Variants in SERINC3 observed in about 807,000 individuals in gnomAD.
SERINC3 encodes tumor differentially expressed protein 1.
SERINC3 carries 22 observed loss-of-function variants against 52.1 expected under a neutral mutation model. The observed-to-expected ratio is 0.42, with a 90% CI of 0.30 to 0.60. SERINC3 has a LOEUF of 0.60. SERINC3 is among the 20% of genes least tolerant of loss of function. SERINC3 has a pLI of 0.16. For missense variants in SERINC3, 564 were observed against 584.6 expected (o/e 0.96, Z 0.36); for synonymous variants, 226 against 212.7 (o/e 1.06, Z -0.54).
intron 8 of SERINC3, 119 bp downstream of exon 8, chr20:44,503,696 T>C (rs1226020672): frequency 2.6e-6 from 2 of 782,168 alleles, no homozygotes; most frequent in East Asian, 2.8e-5. Flanking sequence ...AGTAAAGAAC[T>C]TTTCATTAAA....
chr20:44,511,420 T>C, intron 3 of SERINC3, 52 bp from the exon 4 acceptor site: 2 of 1,151,682 alleles, frequency 1.7e-6, no homozygotes, highest in Non-Finnish European at 2.6e-6. Context: ...ACCCTTATAC[T>C]GAGAAAAATT....
chr20:44,518,790 CCCCATCT>C (rs1600820763), intron 1 of SERINC3, among the ~76,000 whole-genome samples: 1 of 152,206 alleles, frequency 6.6e-6, no homozygotes, highest in East Asian at 1.9e-4. Context: ...CATGGAGAAA[CCCCATCT>C]CTACTAAAAA....
chr20:44,496,424 C>T (rs775419675), downstream of SERINC3: 3 of 152,354 alleles, frequency 2.0e-5, no homozygotes, highest in Non-Finnish European at 2.9e-5. Flanking sequence ...CATTAATAAG[C>T]ATAAGCCTAC....
chr20:44,501,229 T>G lies in SERINC3; in HGVS notation c.1127A>C (p.Asp376Ala). The G allele has an allele frequency of 6.2e-7, 1 of 1,614,192 alleles. No homozygotes were observed. Among genetic ancestry groups the G allele is most frequent in the Non-Finnish European group, 8.5e-7 (1 of 1,180,032 alleles). Reference sequence around the variant, plus strand: ...ATCACTGGCACCACTGGTAGTTGTATCACCAAGGATGACGCTGTCACTCCC... The same window carrying G: ...ATCACTGGCACCACTGGTAGTTGTAGCACCAAGGATGACGCTGTCACTCCC... ...LSGSDSVILGDTTTSGASDEE... is the reference protein window; with the variant it reads ...LSGSDSVILGATTTSGASDEE... The change falls in exon 9 of 10, where the codon GAT (aspartate) becomes GCT (alanine). Residue 376 changes from aspartate to alanine, a missense_variant. By Grantham distance (126) the Asp-to-Ala change is moderately radical. Coordinates refer to ENST00000342374, the MANE Select transcript of SERINC3 (RefSeq NM_006811.4).
chr20:44,513,214 G>A lies in SERINC3; in HGVS notation c.202-220C>T, dbSNP rs142989071. On this transcript the variant is annotated intron_variant, in intron 2 of 9. Transcript: ENST00000342374. ...TAAAAATGCTCTCTCGGCTGGGCAC[G>A]GTGGCTCACATCTGTAATCCCAGTA... Among the ~76,000 whole-genome samples the A allele has an allele frequency of 3.3e-3, 497 of 152,158 alleles. 2 individuals are homozygous for A. The highest frequency in any genetic ancestry group is 6.6e-3 in the African/African-American group (276 of 41,506).
downstream of SERINC3, among the ~76,000 whole-genome samples, chr20:44,497,023 C>T (rs1418875925): frequency 6.6e-6 from 1 of 152,186 alleles, no homozygotes; most frequent in Non-Finnish European, 1.5e-5. Context: ...AGCTTTCTCC[C>T]GGCTTTAACG....
chr20:44,521,832 G>A lies in SERINC3; in HGVS notation c.39+81C>T, dbSNP rs2064418972. ...TGCTGACATCCCGAGAGCCTCTGGA[G>A]CCAAGGCCCGTGCAGCTCTGGTCTC... is the stretch of plus-strand genomic sequence containing the variant. On this transcript the variant is annotated intron_variant, in intron 1 of 9. Coordinates refer to ENST00000342374, the MANE Select transcript of SERINC3 (RefSeq NM_006811.4). 1.6e-5 allele frequency: 23 copies of A among 1,424,044 alleles called. 3 individuals are homozygous for A. In the South Asian group the frequency reaches 2.4e-4, roughly 15 times the overall value. The allele number at this position is 1,424,044 out of a possible 1,614,324, so 88.2% of individuals were successfully genotyped here. A position where few individuals can be genotyped will look rare whatever the true frequency, so the allele number is the denominator to read the frequency against.
chr20:44,514,254 A>G (rs142153741), intron 1 of SERINC3, among the ~76,000 whole-genome samples: 315 of 152,276 alleles, frequency 2.1e-3, no homozygotes, highest in Middle Eastern at 6.8e-3. Flanking sequence ...ACCCCATTTG[A>G]CCATTTGTAA....
rs1207119987 is a variant in SERINC3, at chr20:44,497,537, G to A, written c.*2759C>T. 2 of 152,186 alleles carry A rather than the reference G, an allele frequency of 1.3e-5. No homozygotes were observed. The highest frequency in any genetic ancestry group is 4.8e-5 in the African/African-American group (2 of 41,406). The allele number at this position is 152,186 out of a possible 1,614,324, so 9.4% of individuals were successfully genotyped here. On this transcript the variant is annotated 3_prime_UTR_variant, in exon 10 of 10. Coordinates refer to ENST00000342374, the MANE Select transcript of SERINC3 (RefSeq NM_006811.4). ...TGAATTACATTAAGGCGGAGGATGGGGCACTGTAATGTTTTTGAAGTTTAG... is the reference window on the plus strand; with the variant it reads ...TGAATTACATTAAGGCGGAGGATGGAGCACTGTAATGTTTTTGAAGTTTAG...
rs186954038 is a variant in SERINC3, at chr20:44,516,169, G to A, written c.40-2129C>T. ...ATACAAAAATTAGCCGGGTGCAGTG[G>A]CAGGCACCTGTAATCCCAGCTACTC... On this transcript the variant is annotated intron_variant, in intron 1 of 9. Coordinates refer to ENST00000342374, the MANE Select transcript of SERINC3 (RefSeq NM_006811.4). Among the ~76,000 whole-genome samples, 156 of 152,016 alleles carry A rather than the reference G, an allele frequency of 1.0e-3. 1 individual carries two copies. The East Asian group carries it at 0.024, about 23-fold the overall frequency.
intron 6 of SERINC3, among the ~76,000 whole-genome samples, chr20:44,505,741 C>T (rs2064307759): frequency 6.6e-6 from 1 of 151,960 alleles, no homozygotes; most frequent in Non-Finnish European, 1.5e-5. Context: ...GCTGGGATTA[C>T]AGGTGTGCGC....
rs1267485644 is a variant in SERINC3, at chr20:44,518,725, G to A, written c.39+3188C>T. On this transcript the variant is annotated intron_variant, in intron 1 of 9. Transcript: ENST00000342374. Reference sequence around the variant, plus strand: ...CACACCTGTAATCCCAGCACTTTGGGAAGCTGAGGTGGGCAGATCACCTGA... The same window carrying A: ...CACACCTGTAATCCCAGCACTTTGGAAAGCTGAGGTGGGCAGATCACCTGA... Among the ~76,000 whole-genome samples, 3 of 152,264 alleles carry A rather than the reference G, an allele frequency of 2.0e-5. No homozygotes were observed. In the East Asian group the frequency reaches 5.8e-4, roughly 29 times the overall value.
intron 1 of SERINC3, among the ~76,000 whole-genome samples, chr20:44,516,207 C>A (rs1394954229): frequency 6.6e-6 from 1 of 151,764 alleles, no homozygotes; most frequent in Non-Finnish European, 1.5e-5. Flanking sequence ...GAGGCTGAGG[C>A]AGGAGAACTG....
chr20:44,521,728 G>A (rs554744665), intron 1 of SERINC3, among the ~76,000 whole-genome samples, 185 bp downstream of exon 1: 8 of 152,362 alleles, frequency 5.3e-5, no homozygotes, highest in South Asian at 2.1e-4. Context: ...GGAACCCGGA[G>A]GGCGAGCCGC....
At chr20:44,507,276 T>A (rs982648322) in intron 5 of SERINC3, among the ~76,000 whole-genome samples, 4 of 152,202 alleles carry the variant, frequency 2.6e-5, no homozygotes, top group African/African-American at 9.7e-5. Context: ...CCAGCTAGAG[T>A]TTACTGCTAC....
chr20:44,511,031 A>C (rs1383161574), intron 4 of SERINC3, among the ~76,000 whole-genome samples: 1 of 151,968 alleles, frequency 6.6e-6, no homozygotes, highest in Non-Finnish European at 1.5e-5. Context: ...TTGCTGCCTC[A>C]GCCTTCTGAG....
At position 44,511,278 on chromosome 20, in the gene SERINC3, G is replaced by T. The variant is rs1407781004; in HGVS notation, c.475+11C>A. The T allele has an allele frequency of 2.5e-6, 4 of 1,573,284 alleles. No individual in the cohort carries two copies. Among genetic ancestry groups the T allele is most frequent in the Non-Finnish European group, 3.5e-6 (4 of 1,143,220 alleles). The stretch of plus-strand genomic sequence containing the variant: ...TAGTTTAAAATTAACCCCCTCAATG[G>T]TGAACCCTACCTGAGCTGAAATAGC... On this transcript the variant is annotated intron_variant, in intron 4 of 9. Coordinates refer to ENST00000342374, the MANE Select transcript of SERINC3 (RefSeq NM_006811.4).
chr20:44,513,865 C>T lies in SERINC3; in HGVS notation c.201+14G>A. Reference sequence around the variant, plus strand: ...AAAAATAACCAATACCTTAAGGGCACTGTTACTTCTTACCTTCTTCAAGTA... The same window carrying T: ...AAAAATAACCAATACCTTAAGGGCATTGTTACTTCTTACCTTCTTCAAGTA... On this transcript the variant is annotated intron_variant, in intron 2 of 9. Coordinates refer to ENST00000342374, the MANE Select transcript of SERINC3 (RefSeq NM_006811.4). 1.9e-6 allele frequency: 3 copies of T among 1,580,546 alleles called. No homozygotes were observed. The East Asian group carries it at 6.8e-5, about 36-fold the overall frequency.
intron 3 of SERINC3, among the ~76,000 whole-genome samples, chr20:44,512,262 G>A (rs1388369514): frequency 1.4e-5 from 2 of 145,456 alleles, no homozygotes; most frequent in African/African-American, 2.6e-5. Context: ...GCAGTGAGCC[G>A]AGATCACGCC....
Sources: allele counts gnomAD v4.1 joint callset (sites outside exome capture counted in the v4.1 genomes callset), GRCh38; gene constraint gnomAD v4.1.1; transcripts MANE v1.5; gene names NCBI Gene and HGNC (gene_info 2026-07-23, HGNC 2026-07-21).